CCDC180: variants seen among roughly 807,000 people sequenced by gnomAD.
CCDC180 encodes the protein coiled-coil domain containing 180, also known as coiled-coil domain-containing protein 180.
CCDC180 carries 154 observed loss-of-function variants against 209.2 expected under a neutral mutation model. That is an observed-to-expected ratio of 0.74 (90% CI 0.65 to 0.84). The LOEUF is 0.84. Ranked by LOEUF, CCDC180 falls within the 40% of genes least tolerant of loss-of-function variation. CCDC180 has a pLI of 0.00. For synonymous variants in CCDC180, 778 were observed against 749.1 expected (o/e 1.04, Z -0.63); for missense variants, 1,874 against 1,997.3 (o/e 0.94, Z 1.18).
At position 97,318,580 on chromosome 9, in the gene CCDC180, C is replaced by T. The variant is rs768119725; in HGVS notation, c.1077C>T (p.Ile359=). 2.5e-6 allele frequency: 4 copies of T among 1,612,348 alleles called. No individual in the cohort carries two copies. The Admixed American group carries it at 6.7e-5, about 27-fold the overall frequency. The stretch of plus-strand genomic sequence containing the variant: ...GGCGGCTGAAGCATCTCTGCACCAT[C>T]TGGTATGGGCAGGAGGGGCGGCCCA... The part of the protein sequence containing the change: ...QQRRLKHLCT[I]CDLLPPSYSK... The change falls in exon 10 of 37, where the codon ATC becomes ATT. Residue 359 remains isoleucine, a splice_region_variant and synonymous_variant. Transcript: ENST00000529487.
chr9:97,330,122 G>T (rs976064345), intron 16 of CCDC180, 32 bp from the exon 17 acceptor site: 39 of 1,590,938 alleles, frequency 2.5e-5, no homozygotes, highest in Non-Finnish European at 3.2e-5. Flanking sequence ...GGCAGTGCAG[G>T]TCCTTCAGTG....
chr9:97,371,702 T>C lies in CCDC180; in HGVS notation c.4596T>C (p.Val1532=). The C allele has an allele frequency of 6.3e-7, 1 of 1,588,188 alleles. No homozygotes were observed. Among genetic ancestry groups the C allele is most frequent in the South Asian group, 1.1e-5 (1 of 89,512 alleles). ...DEVVTIDDVQ[V]ARMEPPKQKL... ...TGGTCACCATTGACGATGTCCAGGT[T>C]GCAAGTAAGAGGCACCACCAGCCTT... Residue 1532 remains valine, a synonymous_variant, in exon 34 of 37, where the codon GTT becomes GTC. Transcript: ENST00000529487.
chr9:97,360,730 C>A (rs117037138), intron 26 of CCDC180, among the ~76,000 whole-genome samples: 1 of 152,062 alleles, frequency 6.6e-6, no homozygotes, highest in Non-Finnish European at 1.5e-5. Flanking sequence ...CGGGGTCTCC[C>A]GGCCCATAGC....
chr9:97,330,893 C>A lies in CCDC180; in HGVS notation c.2274+126C>A. The A allele has an allele frequency of 3.2e-6, 3 of 936,494 alleles. No homozygotes were observed. In the South Asian group the frequency reaches 5.2e-5, roughly 16 times the overall value. The allele number at this position is 936,494 out of a possible 1,614,324, so 58.0% of individuals were successfully genotyped here. ...CCATAGAGGTGCAGAAAGAGAATTA[C>A]AAAAATATTCATACTATTCATACTT... On this transcript the variant is annotated intron_variant, in intron 18 of 36. Coordinates refer to ENST00000529487, the MANE Select transcript of CCDC180 (RefSeq NM_020893.6).
rs560384146 is a variant in CCDC180, at chr9:97,370,178, A to C, written c.4350+96A>C. ...TGTGGGCAGGGCCAAGTCCAAGGGA[A>C]GAAGGTGAGCTTGGCTTGGGATTTT... On this transcript the variant is annotated intron_variant, in intron 32 of 36. Coordinates refer to ENST00000529487, the MANE Select transcript of CCDC180 (RefSeq NM_020893.6). The C allele has an allele frequency of 5.8e-6, 8 of 1,370,044 alleles. No homozygotes were observed. The South Asian group carries it at 1.2e-4, about 20-fold the overall frequency. 84.9% of individuals were successfully genotyped at this position (1,370,044 alleles called of 1,614,324 possible). A position where few individuals can be genotyped will look rare whatever the true frequency, so the allele number is the denominator to read the frequency against.
In CCDC180 at chr9:97,307,986, T is replaced by A. The variant is rs772542890; in HGVS notation, c.-78T>A. On this transcript the variant is annotated 5_prime_UTR_variant, in exon 2 of 37. In the 5' UTR this introduces an upstream ATG that the reference lacks. Transcript: ENST00000529487. ...ACGGGCGATTTCCCAACCTCAGGAATTGGAATTGAGACACCAAAGCCTAGA... is the reference window on the plus strand; with the variant it reads ...ACGGGCGATTTCCCAACCTCAGGAAATGGAATTGAGACACCAAAGCCTAGA... 1 of 1,592,750 alleles carries A rather than the reference T, an allele frequency of 6.3e-7. No individual in the cohort carries two copies. The highest frequency in any genetic ancestry group is 1.1e-5 in the South Asian group (1 of 87,582).
intron 20 of CCDC180, among the ~76,000 whole-genome samples, chr9:97,348,887 G>A (rs1440360698): frequency 3.3e-5 from 5 of 152,188 alleles, no homozygotes; most frequent in South Asian, 2.1e-4. Context: ...CCTCTGCTCC[G>A]GGCAGGGTGT....
chr9:97,357,091 G>A (rs1164524896), intron 24 of CCDC180, among the ~76,000 whole-genome samples: 5 of 152,248 alleles, frequency 3.3e-5, no homozygotes, highest in South Asian at 2.1e-4. Context: ...GTTATGAAAG[G>A]TGATGCTGTG....
At chr9:97,317,035 G>T in intron 8 of CCDC180, 30 bp from the exon 9 acceptor site, 1 of 1,589,936 alleles carries the variant, frequency 6.3e-7, no homozygotes, top group Non-Finnish European at 8.6e-7. Flanking sequence ...ACCCTGCCCT[G>T]TCTAGAGCCC....
chr9:97,340,168 G>A (rs909359140), intron 18 of CCDC180, among the ~76,000 whole-genome samples: 7 of 152,214 alleles, frequency 4.6e-5, no homozygotes, highest in East Asian at 3.9e-4. Flanking sequence ...CTGTCAACTC[G>A]TCAAAGTCAT....
At chr9:97,340,765 G>A (rs936516806) in intron 18 of CCDC180, among the ~76,000 whole-genome samples, 5 of 152,226 alleles carry the variant, frequency 3.3e-5, no homozygotes, top group East Asian at 3.9e-4. Context: ...AGTGTCAAGG[G>A]ACAACACCCG....
chr9:97,375,772 C>A, intron 36 of CCDC180, 183 bp downstream of exon 36: 1 of 693,898 alleles, frequency 1.4e-6, no homozygotes, highest in Non-Finnish European at 2.4e-6. Flanking sequence ...GGCACGAGGA[C>A]ATTAATGTGG....
chr9:97,364,674 A>C (rs1410757233), intron 29 of CCDC180: 1 of 155,600 alleles, frequency 6.4e-6, no homozygotes, highest in African/African-American at 2.4e-5. Flanking sequence ...AACTTGGCAG[A>C]GAAGGATGGC....
At chr9:97,315,229 G>A (rs1008996621) in intron 8 of CCDC180, among the ~76,000 whole-genome samples, 2 of 152,158 alleles carry the variant, frequency 1.3e-5, no homozygotes, top group South Asian at 2.1e-4. Flanking sequence ...CTGGAGCGCT[G>A]ATGATGTTAA....
Position 97,376,762 on chromosome 9 carries a change from G to T in CCDC180, c.4843-1G>T. 3 of 1,612,656 alleles carry T rather than the reference G, an allele frequency of 1.9e-6. No individual in the cohort carries two copies. The highest frequency in any genetic ancestry group is 1.7e-6 in the Non-Finnish European group (2 of 1,179,552). Reference sequence around the variant, plus strand: ...GACCCCTCCTGCTACCTTCCTTCTAGAAATATTTAGCATCATTTGAGGAGG... The same window carrying T: ...GACCCCTCCTGCTACCTTCCTTCTATAAATATTTAGCATCATTTGAGGAGG... On this transcript the variant is annotated splice_acceptor_variant, in intron 36 of 36. Transcript: ENST00000529487. LOFTEE classifies it high-confidence loss of function.
intron 8 of CCDC180, among the ~76,000 whole-genome samples, chr9:97,316,022 C>T (rs1225513266): frequency 6.6e-6 from 1 of 152,138 alleles, no homozygotes; most frequent in African/African-American, 2.4e-5. Context: ...GCCTGTAATA[C>T]CTGTCAGGAC....
chr9:97,340,137 C>A (rs1826033512), intron 18 of CCDC180, among the ~76,000 whole-genome samples: 1 of 152,144 alleles, frequency 6.6e-6, no homozygotes, highest in African/African-American at 2.4e-5. Flanking sequence ...TTTGTTATTA[C>A]CAACTTTCTG....
At chr9:97,322,768 G>C in intron 11 of CCDC180, 65 bp from the exon 12 acceptor site, 1 of 1,425,972 alleles carries the variant, frequency 7.0e-7, no homozygotes, top group South Asian at 1.1e-5. Flanking sequence ...TTTGCAAAGG[G>C]GACACTCCCC....
rs760356437 is a variant in CCDC180, at chr9:97,362,259, C to G, written c.3720C>G (p.Gly1240=). 6.2e-7 allele frequency: 1 copy of G among 1,614,032 alleles called. No individual in the cohort carries two copies. Among genetic ancestry groups the G allele is most frequent in the African/African-American group, 1.3e-5 (1 of 74,912 alleles). ...AAGATCCGTCCCAGACAGGTAGAGG[C>G]GCATGGGCCTGTGGGTCTCGGGGCA... ...CDKDPSQTGR[G]AWACGSRGSS... is the part of the protein sequence containing the mutation. The change falls in exon 28 of 37, where the codon GGC becomes GGG. Residue 1240 remains glycine, a synonymous_variant. Transcript: ENST00000529487.
Sources: gnomAD v4.1 joint callset for allele counts (sites outside exome capture counted in the v4.1 genomes callset) on GRCh38, gnomAD v4.1.1 for gene constraint, MANE v1.5 for transcripts, NCBI Gene and HGNC (gene_info 2026-07-23, HGNC 2026-07-21) for gene names.